The following RELA variants were observed in gnomAD, a reference collection of about 807,000 sequenced individuals.
RELA encodes the protein transcription factor p65.
Under a neutral mutation model 56.7 loss-of-function variants are expected in RELA, and 14 were observed. The ratio of observed to expected loss-of-function variants is 0.25; its 90% CI spans 0.16 to 0.39. The LOEUF (loss-of-function observed/expected upper bound fraction) is 0.39, where lower values mean the gene tolerates loss of function less well. Among genes scored for constraint, RELA ranks in the 10% least tolerant of loss-of-function variants. The probability of loss-of-function intolerance (pLI) is 1.00; values close to 1 mark genes in which losing one functional copy is unlikely to be tolerated. For missense variants in RELA, 559 were observed against 736.4 expected, an observed-to-expected ratio of 0.76 and a Z score of 2.79; for synonymous variants, 315 against 289.7, an observed-to-expected ratio of 1.09 and a Z score of -0.89.
chr11:65,662,002 G>A lies in RELA; in HGVS notation c.121C>T (p.Arg41Cys). 6.2e-7 allele frequency: 1 copy of A among 1,613,606 alleles called. No individual in the cohort carries two copies. Among genetic ancestry groups the A allele is most frequent in the Non-Finnish European group, 8.5e-7 (1 of 1,179,924 alleles). Residue 41 changes from arginine (R) to cysteine (C), a missense_variant, in exon 3 of 11, where the codon CGC (arginine) becomes TGC (cysteine). Coordinates refer to ENST00000406246, the MANE Select transcript of RELA (RefSeq NM_021975.4). The stretch of plus-strand genomic sequence containing the variant: ...TCGCCTGGGATGCTGCCCGCGGAGC[G>A]CCCCTCGCACTTGTAGCGGAAGCGC... ...GMRFRYKCEG[R>C]SAGSIPGERS...
In RELA at chr11:65,658,581, G is replaced by T; in HGVS notation, c.665-82C>A. On this transcript the variant is annotated intron_variant, in intron 7 of 10. Transcript: ENST00000406246. The surrounding 1 kb of genome is among the most constrained non-coding windows in gnomAD (Gnocchi z 4.5). ...CCTCAACTTCTGATGCTTGTCTTCT[G>T]ATACATCACCCTTCGGCCCACCTGA... 1 of 1,416,414 alleles carries T rather than the reference G, an allele frequency of 7.1e-7. No individual in the cohort carries two copies. Among genetic ancestry groups the T allele is most frequent in the Non-Finnish European group, 9.8e-7 (1 of 1,017,438 alleles). The allele number at this position is 1,416,414 out of a possible 1,614,324, so 87.7% of individuals were successfully genotyped here.
intron 8 of RELA, among the ~76,000 whole-genome samples, chr11:65,656,476 A>C (rs1384181784): frequency 6.6e-6 from 1 of 152,056 alleles, no homozygotes; most frequent in Non-Finnish European, 1.5e-5. Flanking sequence ...ATCCCTCAAA[A>C]ACTAGGTTCT....
At chr11:65,656,584 T>C (rs796147497) in intron 8 of RELA, among the ~76,000 whole-genome samples, 3 of 152,308 alleles carry the variant, frequency 2.0e-5, no homozygotes, top group African/African-American at 7.2e-5. Context: ...CGCCAGTAAC[T>C]TGACATATAT....
At chr11:65,655,043 A>G (rs1856386694) in intron 10 of RELA, 43 bp from the exon 11 acceptor site, 1 of 1,489,080 alleles carries the variant, frequency 6.7e-7, no homozygotes, top group South Asian at 1.2e-5. Flanking sequence ...AGAAAGCCCT[A>G]GAGATCCACC....
In RELA at chr11:65,655,950, G is replaced by A. The variant is rs771763866; in HGVS notation, c.878-15C>T. The A allele has an allele frequency of 2.5e-6, 4 of 1,611,840 alleles. No homozygotes were observed. In the East Asian group the frequency reaches 8.9e-5, roughly 36 times the overall value. Reference sequence around the variant, plus strand: ...GTGACGATCGTCTGGGAAAGTAAGGGGGAGAAGTGGGACTTGCTCTCCTCA... The same window carrying A: ...GTGACGATCGTCTGGGAAAGTAAGGAGGAGAAGTGGGACTTGCTCTCCTCA... On this transcript the variant is annotated splice_polypyrimidine_tract_variant and intron_variant, in intron 8 of 10. Coordinates refer to ENST00000406246, the MANE Select transcript of RELA (RefSeq NM_021975.4).
rs1196154107 is a variant in RELA, at chr11:65,654,992, G to C, written c.1042C>G (p.Pro348Ala). The C allele has an allele frequency of 3.1e-6, 5 of 1,596,676 alleles. No individual in the cohort carries two copies. Among genetic ancestry groups the C allele is most frequent in the Non-Finnish European group, 4.3e-6 (5 of 1,172,390 alleles). The change falls in exon 11 of 11, where the codon CCC becomes GCC. Residue 348 changes from proline (P) to alanine (A), a missense_variant. By Grantham distance (27) the Pro-to-Ala change is conservative. This residue lies in a region of RELA where 365 missense variants were observed against 387.5 expected (regional missense o/e 0.94). Transcript: ENST00000406246. ...SASVPKPAPQ[P>A]YPFTSSLSTI... ...CTCAGGGATGACGTAAAGGGATAGG[G>C]CTGGGGTGCTGGAGGAGAGAGACAG... is the stretch of plus-strand genomic sequence containing the variant.
intron 8 of RELA, among the ~76,000 whole-genome samples, chr11:65,656,373 TAGTC>T (rs1565189273): frequency 2.6e-5 from 4 of 152,210 alleles, no homozygotes; most frequent in African/African-American, 4.8e-5. Flanking sequence ...TTTCATATTT[TAGTC>T]AGAGCTTTCA....
At position 65,660,071 on chromosome 11, in the gene RELA, G is replaced by A. The variant is rs1020219006; in HGVS notation, c.427+53C>T. On this transcript the variant is annotated intron_variant, in intron 5 of 10. Coordinates refer to ENST00000406246, the MANE Select transcript of RELA (RefSeq NM_021975.4). ...CCAGTGAGGGAGATGCAGGAAAGGCGGGCTGGGGAGGGTGACAGAGGGTGC... is the reference window on the plus strand; with the variant it reads ...CCAGTGAGGGAGATGCAGGAAAGGCAGGCTGGGGAGGGTGACAGAGGGTGC... 27 of 1,537,356 alleles carry A rather than the reference G, an allele frequency of 1.8e-5. No individual in the cohort carries two copies. The Middle Eastern group carries it at 6.8e-4, about 38-fold the overall frequency.
chr11:65,654,369 G>T lies in RELA; in HGVS notation c.*9C>A, dbSNP rs374014649. 4 of 1,613,686 alleles carry T rather than the reference G, an allele frequency of 2.5e-6. No homozygotes were observed. In the Admixed American group the frequency reaches 6.7e-5, roughly 27 times the overall value. On this transcript the variant is annotated 3_prime_UTR_variant, in exon 11 of 11. Transcript: ENST00000406246. The stretch of plus-strand genomic sequence containing the variant: ...ACCCAGTGCTCTGGGGAGGGCAGGC[G>T]TCACCCCCTTAGGAGCTGATCTGAC...
chr11:65,660,448 G>A (rs746997870), intron 4 of RELA: 22 of 570,490 alleles, frequency 3.9e-5, no homozygotes, highest in Middle Eastern at 4.5e-4. Flanking sequence ...TACAGCCACC[G>A]GGGCTCCTTT....
intron 8 of RELA, among the ~76,000 whole-genome samples, chr11:65,656,320 G>A (rs1241214537): frequency 6.6e-6 from 1 of 152,214 alleles, no homozygotes; most frequent in Non-Finnish European, 1.5e-5. Flanking sequence ...AGGCACAACT[G>A]CCTTAAGACT....
intron 8 of RELA, among the ~76,000 whole-genome samples, chr11:65,656,468 C>T (rs1856431647): frequency 6.6e-6 from 1 of 152,214 alleles, no homozygotes; most frequent in African/African-American, 2.4e-5. Context: ...ACCTCATCAT[C>T]CCTCAAAAAC....
chr11:65,661,677 G>C lies in RELA; in HGVS notation c.335+10C>G. On this transcript the variant is annotated intron_variant, in intron 4 of 10. Transcript: ENST00000406246. ...CTCATGCTGGGCCTCCTAGCCTGCA[G>C]GGACCTCACCTGTGGATGCAGCGGT... 6.4e-7 allele frequency: 1 copy of C among 1,568,894 alleles called. No homozygotes were observed. Among genetic ancestry groups the C allele is most frequent in the Non-Finnish European group, 8.7e-7 (1 of 1,153,934 alleles).
In RELA at chr11:65,655,528, T is replaced by C. The variant is rs1203085237; in HGVS notation, c.1033+160A>G. ...TGGCACGGTGGTTCCCAGGCTTCAG[T>C]GTGCATTAGCATCCCAGGAAGTCGC... On this transcript the variant is annotated intron_variant, in intron 10 of 10. Transcript: ENST00000406246. 6.8e-5 allele frequency: 45 copies of C among 656,998 alleles called. No homozygotes were observed. The East Asian group carries it at 1.2e-3, about 17-fold the overall frequency. 40.7% of individuals were successfully genotyped at this position (656,998 alleles called of 1,614,324 possible).
Position 65,654,194 on chromosome 11 carries a change from C to T in RELA, c.*184G>A. On this transcript the variant is annotated 3_prime_UTR_variant, in exon 11 of 11. Transcript: ENST00000406246. ...AGAAGTTAATGCTTCTGCTTAAGCA[C>T]CTCCAAAAAGAGAGAGAGATACAGA... 1 of 807,974 alleles carries T rather than the reference C, an allele frequency of 1.2e-6. No individual in the cohort carries two copies. The highest frequency in any genetic ancestry group is 2.1e-6 in the Non-Finnish European group (1 of 478,852). 50.1% of individuals were successfully genotyped at this position (807,974 alleles called of 1,614,324 possible).
intron 4 of RELA, chr11:65,660,423 T>C: frequency 1.7e-6 from 1 of 595,316 alleles, no homozygotes; most frequent in Non-Finnish European, 3.0e-6. Flanking sequence ...CCAGCCTCCC[T>C]GTGGGCTCCC....
chr11:65,659,635 C>T lies in RELA; in HGVS notation c.559+31G>A, dbSNP rs765949572. ...CCTTCCTCCTATTCAGGCCCACCCT[C>T]TCCCCTTCCTGCGTCTCCCTCGCTA... is the stretch of plus-strand genomic sequence containing the variant. On this transcript the variant is annotated intron_variant, in intron 6 of 10. Transcript: ENST00000406246. 1.4e-5 allele frequency: 22 copies of T among 1,612,192 alleles called. No individual in the cohort carries two copies. In the South Asian group the frequency reaches 1.9e-4, roughly 14 times the overall value.
chr11:65,655,232 C>CA (rs777341274), intron 10 of RELA: 2 of 583,006 alleles, frequency 3.4e-6, no homozygotes, highest in East Asian at 2.9e-5. Flanking sequence ...GAAACTCTTC[C>CA]AGCCTTTTAG....
intron 8 of RELA, 100 bp from the exon 9 acceptor site, chr11:65,656,035 C>T (rs766285062): frequency 6.2e-6 from 6 of 967,998 alleles, no homozygotes; most frequent in Non-Finnish European, 9.8e-6. Context: ...CAGGCTTTCC[C>T]AAGACCCATT....
Sources: allele counts gnomAD v4.1 joint callset (sites outside exome capture counted in the v4.1 genomes callset), GRCh38; gene constraint gnomAD v4.1.1; regional missense constraint gnomAD v4.1.1; non-coding constraint Gnocchi (gnomAD v3.1); transcripts MANE v1.5; gene names NCBI Gene and HGNC (gene_info 2026-07-23, HGNC 2026-07-21).